The following SENP5 variants were observed in gnomAD, a reference collection of about 807,000 sequenced individuals.
SENP5 encodes sentrin-specific protease 5.
SENP5 carries 21 observed loss-of-function variants against 74.2 expected under a neutral mutation model. The ratio of observed to expected loss-of-function variants is 0.28; its 90% CI spans 0.20 to 0.41. The LOEUF is 0.41. Ranked by LOEUF, SENP5 falls within the 10% of genes least tolerant of loss-of-function variation. The pLI is 1.00. For synonymous variants in SENP5, 311 were observed against 312.7 expected (o/e 0.99, Z 0.06); for missense variants, 717 against 889.1 (o/e 0.81, Z 2.46).
At position 196,885,429 on chromosome 3, in the gene SENP5, A is replaced by G. The variant is rs35434690; in HGVS notation, c.248A>G (p.Asn83Ser). 2.0e-3 allele frequency: 3,297 copies of G among 1,614,210 alleles called. 9 individuals are homozygous for G. The highest frequency in any genetic ancestry group is 0.011 in the African/African-American group (789 of 75,064). ...DEPLCAKTKFNVATQNVSTLS... is the reference protein window; with the variant it reads ...DEPLCAKTKFSVATQNVSTLS... The stretch of plus-strand genomic sequence containing the variant: ...CCCCTTTGTGCTAAGACCAAGTTCA[A>G]TGTGGCTACTCAAAATGTTAGTACT... The change falls in exon 2 of 10, where the codon AAT becomes AGT. Residue 83 changes from asparagine to serine, a missense_variant. Coordinates refer to ENST00000323460, the MANE Select transcript of SENP5 (RefSeq NM_152699.5).
intron 1 of SENP5, among the ~76,000 whole-genome samples, chr3:196,875,903 T>C (rs1368918822): frequency 6.6e-6 from 1 of 152,048 alleles, no homozygotes; most frequent in African/African-American, 2.4e-5. Context: ...CTATTTTTTT[T>C]GGAGACAGGA....
At chr3:196,878,975 A>G (rs1713601221) in intron 1 of SENP5, among the ~76,000 whole-genome samples, 1 of 152,046 alleles carries the variant, frequency 6.6e-6, no homozygotes, top group African/African-American at 2.4e-5. Context: ...GTTCTTTTTT[A>G]CATCTGTTCC....
intron 2 of SENP5, among the ~76,000 whole-genome samples, chr3:196,898,114 G>T (rs570631677): frequency 6.6e-6 from 1 of 151,224 alleles, no homozygotes; most frequent in Non-Finnish European, 1.5e-5. Context: ...GGAGGGGTGG[G>T]TTGCAGTGAG....
chr3:196,930,738 A>G (rs1420277221), intron 9 of SENP5, 75 bp from the exon 10 acceptor site: 7 of 954,568 alleles, frequency 7.3e-6, no homozygotes, highest in South Asian at 2.6e-5. Context: ...TTAGGTCTGC[A>G]TTTAGTAAAA....
At chr3:196,881,030 A>G (rs1713706242) in intron 1 of SENP5, among the ~76,000 whole-genome samples, 1 of 151,842 alleles carries the variant, frequency 6.6e-6, no homozygotes, top group African/African-American at 2.4e-5. Context: ...CACTGCAACC[A>G]CAAACTCCTG....
At chr3:196,903,363 C>T (rs1489102555) in intron 5 of SENP5, among the ~76,000 whole-genome samples, 170 bp from the exon 6 acceptor site, 1 of 152,220 alleles carries the variant, frequency 6.6e-6, no homozygotes, top group Non-Finnish European at 1.5e-5. Flanking sequence ...TGGCCTCGAA[C>T]TCCTGACCCC....
At chr3:196,913,910 A>G (rs1715245582) in intron 6 of SENP5, 2 of 152,242 alleles carry the variant, frequency 1.3e-5, no homozygotes, top group East Asian at 1.9e-4. Context: ...CAGCCTCCCA[A>G]AGTGCTGGGA....
intron 1 of SENP5, among the ~76,000 whole-genome samples, chr3:196,876,414 A>G (rs1713469876): frequency 6.6e-6 from 1 of 151,286 alleles, no homozygotes; most frequent in African/African-American, 2.4e-5. Flanking sequence ...AGTCCCAGCT[A>G]GGCTGAGGCA....
chr3:196,911,746 G>A (rs1186697456), intron 6 of SENP5, among the ~76,000 whole-genome samples: 1 of 151,856 alleles, frequency 6.6e-6, no homozygotes, highest in African/African-American at 2.4e-5. Flanking sequence ...AGAGGCAGAG[G>A]TTGCGTGAGC....
At chr3:196,898,829 T>G (rs9713266) in intron 2 of SENP5, among the ~76,000 whole-genome samples, 1 of 152,220 alleles carries the variant, frequency 6.6e-6, no homozygotes, top group South Asian at 2.1e-4. Context: ...GATGATTGCA[T>G]TCAATTCATT....
rs191944230 is a variant in SENP5, at chr3:196,923,697, T to C, written c.2022+146T>C. On this transcript the variant is annotated intron_variant, in intron 7 of 9. Transcript: ENST00000323460. ...CCAAAGTGTTAGCTGAGAAAAGGAC[T>C]AGAAGAGGAATCTCTGGCTGAGGAG... 305 of 554,074 alleles carry C rather than the reference T, an allele frequency of 5.5e-4. 2 individuals are homozygous for C. Among genetic ancestry groups the C allele is most frequent in the African/African-American group, 5.1e-3 (264 of 51,460 alleles). The allele number at this position is 554,074 out of a possible 1,614,324, so 34.3% of individuals were successfully genotyped here.
At chr3:196,869,813 G>A (rs1577784249) in intron 1 of SENP5, among the ~76,000 whole-genome samples, 1 of 137,538 alleles carries the variant, frequency 7.3e-6, no homozygotes, top group Non-Finnish European at 1.5e-5. Context: ...GTGAGTCACT[G>A]CGCCTGGGCT....
intron 2 of SENP5, among the ~76,000 whole-genome samples, chr3:196,896,618 A>G (rs994852370): frequency 6.6e-6 from 1 of 152,112 alleles, no homozygotes; most frequent in South Asian, 2.1e-4. Flanking sequence ...ATGCCCGGCT[A>G]ATTTTTGTAG....
intron 1 of SENP5, among the ~76,000 whole-genome samples, chr3:196,882,043 C>T (rs901371745): frequency 2.6e-5 from 4 of 151,386 alleles, no homozygotes; most frequent in Admixed American, 6.6e-5. Context: ...ATTACAAGCA[C>T]GTGCCACCAC....
chr3:196,900,178 A>C, intron 4 of SENP5, 116 bp downstream of exon 4: 1 of 1,354,404 alleles, frequency 7.4e-7, no homozygotes, highest in Non-Finnish European at 1.0e-6. Flanking sequence ...TTCATTCTTT[A>C]CTGGTTACTT....
At position 196,899,753 on chromosome 3, in the gene SENP5, A is replaced by C. The variant is rs768912217; in HGVS notation, c.1601A>C (p.Asn534Thr). 6.2e-7 allele frequency: 1 copy of C among 1,602,688 alleles called. No individual in the cohort carries two copies. The highest frequency in any genetic ancestry group is 8.5e-7 in the Non-Finnish European group (1 of 1,169,808). The change falls in exon 3 of 10, where the codon AAT becomes ACT. Residue 534 changes from asparagine to threonine, a missense_variant. By Grantham distance (65) the Asn-to-Thr change is moderately conservative (BLOSUM62 0). Transcript: ENST00000323460. ...CTTGGAAGATTAAAAGATGTCTTTAATGAAGACTTTTCTAATAGGTATATA... is the reference window on the plus strand; with the variant it reads ...CTTGGAAGATTAAAAGATGTCTTTACTGAAGACTTTTCTAATAGGTATATA... ...EVLGRLKDVF[N>T]EDFSNRKPFI...
intron 2 of SENP5, 50 bp downstream of exon 2, chr3:196,886,744 G>C (rs374951145): frequency 2.0e-4 from 289 of 1,425,876 alleles, no homozygotes; most frequent in Middle Eastern, 5.5e-4. Flanking sequence ...CACATTTGCT[G>C]TGCATTATCC....
intron 2 of SENP5, among the ~76,000 whole-genome samples, chr3:196,890,280 C>T (rs2108823244): frequency 6.6e-6 from 1 of 152,258 alleles, no homozygotes; most frequent in South Asian, 2.1e-4. Flanking sequence ...GCAATGAGTA[C>T]AATAGATAAT....
chr3:196,922,489 G>A (rs1050859155), intron 6 of SENP5, among the ~76,000 whole-genome samples: 3 of 152,104 alleles, frequency 2.0e-5, no homozygotes, highest in African/African-American at 7.2e-5. Context: ...TCACTCCGTC[G>A]CCCAGGCTGG....
Sources: allele counts gnomAD v4.1 joint callset (sites outside exome capture counted in the v4.1 genomes callset), GRCh38; gene constraint gnomAD v4.1.1; transcripts MANE v1.5; gene names NCBI Gene and HGNC (gene_info 2026-07-23, HGNC 2026-07-21).